The following OTUD4 variants were observed in gnomAD, a reference collection of about 807,000 sequenced individuals.
The protein encoded by OTUD4 is OTU domain-containing protein 4.
Under a neutral mutation model 130.4 loss-of-function variants are expected in OTUD4, and 24 were observed. The observed-to-expected ratio is 0.18, with a 90% CI of 0.13 to 0.26. The LOEUF (loss-of-function observed/expected upper bound fraction) is 0.26, where lower values mean the gene tolerates loss of function less well. Ranked by LOEUF, OTUD4 falls within the 10% of genes least tolerant of loss-of-function variation. OTUD4 has a pLI of 1.00. For missense variants in OTUD4, 1,031 were observed against 1,329.4 expected (o/e 0.78, Z 3.49); for synonymous variants, 420 against 472.5 (o/e 0.89, Z 1.44).
At chr4:145,161,389 GATTA>G (rs769315539) in intron 6 of OTUD4, among the ~76,000 whole-genome samples, 12 of 152,194 alleles carry the variant, frequency 7.9e-5, no homozygotes, top group East Asian at 5.8e-4. Context: ...TCTTACAATG[GATTA>G]ATTATTTAAA....
intron 18 of OTUD4, among the ~76,000 whole-genome samples, 189 bp from the exon 19 acceptor site, chr4:145,141,828 G>A (rs1216057997): frequency 6.6e-6 from 1 of 152,138 alleles, no homozygotes; most frequent in East Asian, 1.9e-4. Context: ...CTGAGTCAAT[G>A]TCTTCTAATA....
chr4:145,142,982 C>G (rs1348620698), intron 17 of OTUD4, among the ~76,000 whole-genome samples: 1 of 152,134 alleles, frequency 6.6e-6, no homozygotes, highest in Non-Finnish European at 1.5e-5. Context: ...TGTGAAATAA[C>G]TGATGCAGAT....
chr4:145,137,539 C>A lies in OTUD4; in HGVS notation c.3236G>T (p.Arg1079Ile), dbSNP rs1560974575. ...SEESWKGQPSRSRDEGYQYHR... is the reference protein window; with the variant it reads ...SEESWKGQPSISRDEGYQYHR... ...GTACTGATAACCTTCATCCCGACTT[C>A]TGCTTGGCTGTCCTTTCCAGGACTC... is the stretch of plus-strand genomic sequence containing the variant. The change falls in exon 21 of 21, where the codon AGA (arginine) becomes ATA (isoleucine). Residue 1079 changes from arginine (R) to isoleucine (I), a missense_variant. Physicochemically the swap from Arg to Ile is moderately conservative, Grantham distance 97. Around this residue, in one of 3 missense-constraint regions of OTUD4, gnomAD observed 900 missense variants for 1,095.9 expected, o/e 0.82. Coordinates refer to ENST00000447906, the MANE Select transcript of OTUD4 (RefSeq NM_001366057.1). 2 of 1,613,096 alleles carry A rather than the reference C, an allele frequency of 1.2e-6. No homozygotes were observed. Among genetic ancestry groups the A allele is most frequent in the Admixed American group, 3.3e-5 (2 of 59,936 alleles).
intron 6 of OTUD4, 124 bp from the exon 7 acceptor site, chr4:145,159,759 T>C (rs1343502359): frequency 5.9e-6 from 5 of 850,136 alleles, no homozygotes; most frequent in Non-Finnish European, 9.1e-6. Context: ...AGATATCTGC[T>C]AAACCTTATG....
intron 7 of OTUD4, among the ~76,000 whole-genome samples, chr4:145,158,162 T>G (rs1050643520): frequency 2.0e-5 from 3 of 152,252 alleles, no homozygotes; most frequent in Non-Finnish European, 4.4e-5. Context: ...CAGAAAATTT[T>G]AATTCAATAA....
At chr4:145,176,817 A>C (rs927238034) in intron 1 of OTUD4, among the ~76,000 whole-genome samples, 1 of 152,246 alleles carries the variant, frequency 6.6e-6, no homozygotes. Flanking sequence ...GATCACAACC[A>C]AGGCTCATTT....
chr4:145,150,753 A>C (rs377726920), intron 12 of OTUD4, 49 bp downstream of exon 12: 2 of 1,606,856 alleles, frequency 1.2e-6, no homozygotes, highest in Non-Finnish European at 8.5e-7. Flanking sequence ...AACAATCCCA[A>C]GTACCATCAT....
rs1386794374 is a variant in OTUD4 at position 145,179,908 on chromosome 4, C to T, written c.66G>A (p.Ala22=). The part of the protein sequence containing the change: ...DQGGAGPRED[A]TPMDAYLRKL... ...TCCGCAGATAGGCGTCCATGGGCGT[C>T]GCGTCCTCGCGGGGCCCCGCGCCGC... Residue 22 remains alanine (A), a synonymous_variant, in exon 1 of 21, where the codon GCG becomes GCA. Coordinates refer to ENST00000447906, the MANE Select transcript of OTUD4 (RefSeq NM_001366057.1). 1.3e-6 allele frequency: 2 copies of T among 1,528,286 alleles called. No individual in the cohort carries two copies. Among genetic ancestry groups the T allele is most frequent in the African/African-American group, 1.4e-5 (1 of 71,996 alleles). The allele number at this position is 1,528,286 out of a possible 1,614,324, so 94.7% of individuals were successfully genotyped here.
chr4:145,147,251 AT>A (rs895738092), intron 13 of OTUD4, among the ~76,000 whole-genome samples: 144 of 151,608 alleles, frequency 9.5e-4, no homozygotes, highest in African/African-American at 2.9e-3. Context: ...ATGTTATCTG[AT>A]TTTTTTTTAA....
intron 1 of OTUD4, among the ~76,000 whole-genome samples, chr4:145,175,943 C>A (rs56188777): frequency 0.059 from 9,012 of 151,490 alleles, 347 homozygotes; most frequent in African/African-American, 0.11. Context: ...CTCAGCTCAC[C>A]GCAACCTCCG....
intron 2 of OTUD4, among the ~76,000 whole-genome samples, chr4:145,174,057 TG>T (rs1418143528): frequency 3.3e-5 from 5 of 150,530 alleles, no homozygotes; most frequent in African/African-American, 1.2e-4. Context: ...ACCCAGGCTG[TG>T]GTGCAGCGGC....
At chr4:145,176,797 A>G (rs1276286901) in intron 1 of OTUD4, among the ~76,000 whole-genome samples, 3 of 152,224 alleles carry the variant, frequency 2.0e-5, no homozygotes, top group African/African-American at 4.8e-5. Context: ...TGCATTCTAC[A>G]GCTCTCTTGG....
intron 10 of OTUD4, among the ~76,000 whole-genome samples, chr4:145,153,437 A>C (rs1751153552): frequency 6.6e-6 from 1 of 152,180 alleles, no homozygotes; most frequent in South Asian, 2.1e-4. Flanking sequence ...CACAGAACTC[A>C]TGGAGATGGA....
At position 145,144,379 on chromosome 4, in the gene OTUD4, T is replaced by C; in HGVS notation, c.1478A>G (p.Lys493Arg). ...SQSSNPCVQRKSSHVGDRKGS... is the reference protein window; with the variant it reads ...SQSSNPCVQRRSSHVGDRKGS... ...TTTTCTATCACCTACATGTGATGAT[T>C]TTCTCTGGACACATGGATTGCTACT... Residue 493 changes from lysine to arginine, a missense_variant, in exon 15 of 21, where the codon AAA (lysine) becomes AGA (arginine). Coordinates refer to ENST00000447906, the MANE Select transcript of OTUD4 (RefSeq NM_001366057.1). The C allele has an allele frequency of 6.2e-7, 1 of 1,612,532 alleles. No individual in the cohort carries two copies. Among genetic ancestry groups the C allele is most frequent in the Non-Finnish European group, 8.5e-7 (1 of 1,179,018 alleles).
At chr4:145,158,037 A>G (rs1253994650) in intron 7 of OTUD4, among the ~76,000 whole-genome samples, 1 of 152,228 alleles carries the variant, frequency 6.6e-6, no homozygotes, top group East Asian at 1.9e-4. Flanking sequence ...GCTCAGAGAG[A>G]ACCGTAAAGC....
At chr4:145,171,933 T>C (rs573517431) in intron 2 of OTUD4, among the ~76,000 whole-genome samples, 2 of 152,308 alleles carry the variant, frequency 1.3e-5, no homozygotes, top group East Asian at 3.9e-4. Context: ...AAGAAGGAAA[T>C]TCTGTCAGGA....
chr4:145,139,387 A>C (rs941976700), intron 20 of OTUD4, among the ~76,000 whole-genome samples: 1 of 152,216 alleles, frequency 6.6e-6, no homozygotes. Context: ...AAAACCTAAC[A>C]TTTAACAAGG....
At chr4:145,174,558 C>G in intron 2 of OTUD4, 103 bp downstream of exon 2, 1 of 647,808 alleles carries the variant, frequency 1.5e-6, no homozygotes, top group South Asian at 1.7e-5. Context: ...ATTTTCATAA[C>G]CCGCATTAAG....
chr4:145,169,397 G>C (rs566489688), intron 3 of OTUD4, among the ~76,000 whole-genome samples: 57 of 152,278 alleles, frequency 3.7e-4, no homozygotes, highest in African/African-American at 1.2e-3. Flanking sequence ...CTGAGAACTG[G>C]ATGAAGCAAC....
Sources: gnomAD v4.1 joint callset for allele counts (sites outside exome capture counted in the v4.1 genomes callset) on GRCh38, gnomAD v4.1.1 for gene constraint, gnomAD v4.1.1 regional missense constraint, MANE v1.5 for transcripts, NCBI Gene and HGNC (gene_info 2026-07-23, HGNC 2026-07-21) for gene names.